RALYL: variants seen among roughly 807,000 people sequenced by gnomAD.
RALYL encodes the protein RNA-binding Raly-like protein.
A neutral mutation model predicts 35.1 loss-of-function variants in RALYL; 29 were observed. The observed-to-expected ratio is 0.83, with a 90% CI of 0.61 to 1.13. RALYL has a LOEUF of 1.13. Ranked by LOEUF, RALYL falls within the 50% of genes most tolerant of loss-of-function variation. The pLI is 0.00. For synonymous variants in RALYL, 120 were observed against 127.6 expected (o/e 0.94, Z 0.40); for missense variants, 359 against 360.4 (o/e 1.00, Z 0.03).
At chr8:84,523,496 GT>G (rs1332106395) in intron 1 of RALYL, among the ~76,000 whole-genome samples, 1 of 151,540 alleles carries the variant, frequency 6.6e-6, no homozygotes, top group Non-Finnish European at 1.5e-5. Context: ...TTCTGTTGTT[GT>G]TTTTTATTTT....
intron 2 of RALYL, among the ~76,000 whole-genome samples, chr8:84,589,506 A>T (rs1333950203): frequency 6.6e-6 from 1 of 152,242 alleles, no homozygotes; most frequent in Non-Finnish European, 1.5e-5. Context: ...CATATATTTC[A>T]TATGTATAAT....
chr8:84,395,476 G>A (rs1412488442), intron 1 of RALYL, among the ~76,000 whole-genome samples: 2 of 151,882 alleles, frequency 1.3e-5, no homozygotes, highest in African/African-American at 4.8e-5. Flanking sequence ...TTTGTAAAGA[G>A]TGCTGATTTG....
At chr8:84,481,606 A>C (rs912569197) in intron 1 of RALYL, among the ~76,000 whole-genome samples, 3 of 152,204 alleles carry the variant, frequency 2.0e-5, no homozygotes, top group Non-Finnish European at 4.4e-5. Context: ...AAATGATTGG[A>C]TAGTGATGAT....
intron 1 of RALYL, among the ~76,000 whole-genome samples, chr8:84,333,665 TC>T (rs1847242311): frequency 6.6e-6 from 1 of 152,094 alleles, no homozygotes; most frequent in Non-Finnish European, 1.5e-5. Flanking sequence ...TCTGACATGT[TC>T]CCATTTGGAT....
At chr8:84,429,472 T>G (rs2046909365) in intron 1 of RALYL, among the ~76,000 whole-genome samples, 2 of 143,006 alleles carry the variant, frequency 1.4e-5, no homozygotes, top group Non-Finnish European at 3.1e-5. Flanking sequence ...CAAATGAGAT[T>G]TTTAAAATGC....
intron 2 of RALYL, among the ~76,000 whole-genome samples, chr8:84,538,152 G>A (rs556279518): frequency 5.3e-5 from 8 of 152,174 alleles, no homozygotes; most frequent in Non-Finnish European, 1.0e-4. Context: ...GAGATACATG[G>A]CCCCACATAT....
chr8:84,468,132 A>G (rs1002569705), intron 1 of RALYL, among the ~76,000 whole-genome samples: 6 of 151,850 alleles, frequency 4.0e-5, no homozygotes, highest in African/African-American at 1.5e-4. Context: ...TGGAGAATTT[A>G]GTGCATTTAC....
chr8:84,283,510 C>T (rs1055316156), intron 1 of RALYL, among the ~76,000 whole-genome samples: 1 of 152,118 alleles, frequency 6.6e-6, no homozygotes, highest in East Asian at 1.9e-4. Flanking sequence ...GAGGTAGCAT[C>T]CATCTGGGGA....
chr8:84,852,319 T>C (rs1586767470), intron 5 of RALYL, among the ~76,000 whole-genome samples: 1 of 152,184 alleles, frequency 6.6e-6, no homozygotes, highest in Non-Finnish European at 1.5e-5. Flanking sequence ...TCTCAAAGCA[T>C]TTTATAATTT....
intron 1 of RALYL, among the ~76,000 whole-genome samples, chr8:84,288,587 A>G (rs1210251259): frequency 6.9e-6 from 1 of 144,246 alleles, no homozygotes; most frequent in Non-Finnish European, 1.5e-5. Context: ...TTAGTTGCAT[A>G]TTATTGTTCT....
At chr8:84,705,819 A>G in intron 2 of RALYL, 2 of 1,055,986 alleles carry the variant, frequency 1.9e-6, no homozygotes, top group South Asian at 2.3e-5. Flanking sequence ...TTTTCCCTAG[A>G]AGATTTACAT....
intron 1 of RALYL, among the ~76,000 whole-genome samples, chr8:84,408,698 A>T (rs1665461725): frequency 6.6e-6 from 1 of 152,194 alleles, no homozygotes; most frequent in African/African-American, 2.4e-5. Context: ...ACGCTTGTTC[A>T]TCAGTTCATC....
intron 1 of RALYL, among the ~76,000 whole-genome samples, chr8:84,377,905 A>G (rs995820587): frequency 6.6e-6 from 1 of 151,906 alleles, no homozygotes; most frequent in African/African-American, 2.4e-5. Context: ...AATGTTCACC[A>G]TCATGAAGAA....
intron 1 of RALYL, among the ~76,000 whole-genome samples, chr8:84,415,066 G>A (rs1443637360): frequency 6.6e-6 from 1 of 151,632 alleles, no homozygotes; most frequent in Non-Finnish European, 1.5e-5. Flanking sequence ...TAGTCTTATA[G>A]AAAGGACATA....
intron 1 of RALYL, among the ~76,000 whole-genome samples, chr8:84,451,354 C>T (rs537039727): frequency 8.0e-4 from 121 of 152,014 alleles, no homozygotes; most frequent in Non-Finnish European, 1.4e-3. Flanking sequence ...GAGAGAAAGA[C>T]GGAAACTGAT....
intron 1 of RALYL, among the ~76,000 whole-genome samples, chr8:84,202,574 A>G (rs182526759): frequency 1.8e-4 from 28 of 151,978 alleles, no homozygotes; most frequent in Admixed American, 1.8e-3. Context: ...GGGTTTCACT[A>G]TCTTGGCCAG....
chr8:84,329,317 A>G (rs143281056), intron 1 of RALYL, among the ~76,000 whole-genome samples: 2,153 of 152,184 alleles, frequency 0.014, 158 homozygotes, highest in Admixed American at 0.12. Flanking sequence ...GTGAGATGGT[A>G]TCTCATTGTG....
At position 84,415,635 on chromosome 8, in the gene RALYL, C is replaced by A. The variant is rs142461286; in HGVS notation, c.-23-113664C>A. ...GACGGAATTATTAAACTCCTCTGTG[C>A]CCTAGGGGCACTATTGCCTTATGCA... is the stretch of plus-strand genomic sequence containing the variant. On this transcript the variant is annotated intron_variant, in intron 1 of 8. Coordinates refer to ENST00000521268, the MANE Select transcript of RALYL (RefSeq NM_173848.7). Among the ~76,000 whole-genome samples the A allele has an allele frequency of 4.0e-3, 615 of 152,272 alleles. 6 individuals carry two copies. The highest frequency in any genetic ancestry group is 0.014 in the African/African-American group (580 of 41,562).
At chr8:84,889,390 C>A (rs1485024346) in intron 8 of RALYL, among the ~76,000 whole-genome samples, 2 of 152,168 alleles carry the variant, frequency 1.3e-5, no homozygotes, top group Non-Finnish European at 1.5e-5. Context: ...TAATTTACTT[C>A]TCAGCAGAAT....
Sources: gnomAD v4.1 joint callset for allele counts (sites outside exome capture counted in the v4.1 genomes callset) on GRCh38, gnomAD v4.1.1 for gene constraint, MANE v1.5 for transcripts, NCBI Gene and HGNC (gene_info 2026-07-23, HGNC 2026-07-21) for gene names.